AOPEP: variants seen among roughly 807,000 people sequenced by gnomAD.
AOPEP encodes aminopeptidase O.
Under a neutral mutation model 98.1 loss-of-function variants are expected in AOPEP, and 77 were observed. That is an observed-to-expected ratio of 0.78 (90% CI 0.65 to 0.95). AOPEP has a LOEUF of 0.95. Among genes scored for constraint, AOPEP ranks in the 40% least tolerant of loss-of-function variants. The pLI, the probability that AOPEP is intolerant of heterozygous loss-of-function variation, is 0.00. For synonymous variants in AOPEP, 346 were observed against 365.3 expected (o/e 0.95, Z 0.60); for missense variants, 1,024 against 1,024.7 (o/e 1.00, Z 0.01).
intron 5 of AOPEP, among the ~76,000 whole-genome samples, chr9:94,896,447 G>A (rs1378281191): frequency 6.6e-6 from 1 of 152,206 alleles, no homozygotes; most frequent in Non-Finnish European, 1.5e-5. Context: ...AAAGGTCACA[G>A]TAGGGAAAGT....
the AOPEP span, chr9:95,114,699 C>G: frequency 6.2e-7 from 1 of 1,614,046 alleles, no homozygotes. Context: ...AGCCAGTGTC[C>G]CCGAGGGATA....
chr9:94,871,299 GTCTTTTATT>G (rs1564294660), intron 5 of AOPEP, among the ~76,000 whole-genome samples: 1 of 152,162 alleles, frequency 6.6e-6, no homozygotes, highest in Admixed American at 6.5e-5. Flanking sequence ...TTTTAAACAT[GTCTTTTATT>G]TATCATCTAC....
chr9:94,909,081 G>C (rs148976907), intron 5 of AOPEP, among the ~76,000 whole-genome samples: 53 of 152,246 alleles, frequency 3.5e-4, no homozygotes, highest in Middle Eastern at 3.4e-3. Flanking sequence ...GGTTTTGCCT[G>C]GTTTGAGGCT....
chr9:95,001,296 C>T (rs529930221), intron 11 of AOPEP, among the ~76,000 whole-genome samples: 28 of 152,310 alleles, frequency 1.8e-4, no homozygotes, highest in African/African-American at 5.8e-4. Context: ...CAGCCTCGGA[C>T]GTTGTCTTCA....
At chr9:95,051,121 G>A (rs1402998712) in intron 13 of AOPEP, among the ~76,000 whole-genome samples, 9 of 129,802 alleles carry the variant, frequency 6.9e-5, no homozygotes, top group African/African-American at 2.3e-4. Context: ...ACGGAGTCTC[G>A]CTCTGTCGCC....
chr9:95,044,944 C>T (rs1314116166), intron 13 of AOPEP, among the ~76,000 whole-genome samples: 1 of 152,200 alleles, frequency 6.6e-6, no homozygotes, highest in African/African-American at 2.4e-5. Context: ...CCTCTCGGCA[C>T]ACATCTCAGG....
intron 3 of AOPEP, among the ~76,000 whole-genome samples, chr9:94,780,866 G>A (rs1205593414): frequency 6.6e-6 from 1 of 152,108 alleles, no homozygotes; most frequent in Non-Finnish European, 1.5e-5. Context: ...CACATTTCCC[G>A]GGCACCAGCT....
At chr9:94,950,958 C>T (rs1403140077) in intron 7 of AOPEP, among the ~76,000 whole-genome samples, 1 of 152,226 alleles carries the variant, frequency 6.6e-6, no homozygotes, top group African/African-American at 2.4e-5. Context: ...GAAATCAAAT[C>T]ATTATGTATC....
intron 5 of AOPEP, among the ~76,000 whole-genome samples, chr9:94,872,869 G>A (rs1564297506): frequency 6.6e-6 from 1 of 152,170 alleles, no homozygotes; most frequent in Non-Finnish European, 1.5e-5. Flanking sequence ...GGAAGTCGGG[G>A]CAGTCACGGG....
At chr9:95,079,654 T>C (rs1457088538) in intron 14 of AOPEP, among the ~76,000 whole-genome samples, 1 of 152,242 alleles carries the variant, frequency 6.6e-6, no homozygotes. Context: ...GCGCAGGTGG[T>C]TCTGCCTGTG....
chr9:94,756,392 C>T lies in AOPEP; in HGVS notation c.-135-3257C>T, dbSNP rs989293304. Reference sequence around the variant, plus strand: ...CAGCCTGGGCAACATGGCAAGACCTCGTCTCTACAAAAATTTAAAAAGTTA... The same window carrying T: ...CAGCCTGGGCAACATGGCAAGACCTTGTCTCTACAAAAATTTAAAAAGTTA... On this transcript the variant is annotated intron_variant, in intron 1 of 16. Coordinates refer to ENST00000375315, the MANE Select transcript of AOPEP (RefSeq NM_001193329.3). Among the ~76,000 whole-genome samples the T allele has an allele frequency of 8.6e-5, 13 of 151,522 alleles. 1 individual carries two copies. The Middle Eastern group carries it at 0.024, about 281-fold the overall frequency.
the AOPEP span, among the ~76,000 whole-genome samples, chr9:95,141,985 GTTT>G: frequency 7.5e-4 from 62 of 83,154 alleles, no homozygotes; most frequent in Non-Finnish European, 9.8e-4. Flanking sequence ...AGTTTGTGGG[GTTT>G]TTTTTTTTTT....
At chr9:94,996,420 G>A (rs2061249883) in intron 11 of AOPEP, among the ~76,000 whole-genome samples, 1 of 149,936 alleles carries the variant, frequency 6.7e-6, no homozygotes, top group Admixed American at 6.7e-5. Flanking sequence ...CTTCATCAAG[G>A]GATGGATGAA....
chr9:94,981,308 C>T (rs1369519911), intron 11 of AOPEP, among the ~76,000 whole-genome samples: 1 of 152,146 alleles, frequency 6.6e-6, no homozygotes, highest in African/African-American at 2.4e-5. Flanking sequence ...GGTCTAGTTG[C>T]ATTAGTGACA....
At chr9:94,744,190 A>G (rs1293863576) in intron 1 of AOPEP, among the ~76,000 whole-genome samples, 1 of 151,300 alleles carries the variant, frequency 6.6e-6, no homozygotes, top group African/African-American at 2.4e-5. Context: ...CAGGAGATTG[A>G]GACCATCCTG....
chr9:94,903,600 G>A (rs1275352155), intron 5 of AOPEP, among the ~76,000 whole-genome samples: 1 of 146,516 alleles, frequency 6.8e-6, no homozygotes, highest in Non-Finnish European at 1.5e-5. Context: ...ACCAGCCTGG[G>A]CAATGTAGCA....
At chr9:95,063,157 C>T (rs1021392305) in intron 14 of AOPEP, among the ~76,000 whole-genome samples, 7 of 152,188 alleles carry the variant, frequency 4.6e-5, no homozygotes, top group Non-Finnish European at 1.5e-5. Flanking sequence ...ACAGAAGCAC[C>T]TTGTCTTTCT....
intron 5 of AOPEP, among the ~76,000 whole-genome samples, chr9:94,878,305 G>C (rs2047199459): frequency 6.7e-6 from 1 of 149,982 alleles, no homozygotes; most frequent in South Asian, 2.2e-4. Flanking sequence ...TTACCTTAAA[G>C]TCTCCAACAG....
chr9:95,056,209 C>CT (rs1355977856), intron 13 of AOPEP: 1 of 152,232 alleles, frequency 6.6e-6, no homozygotes, highest in Non-Finnish European at 1.5e-5. Flanking sequence ...ACTCATGCCA[C>CT]TGTCAATCCG....
Sources: allele counts gnomAD v4.1 joint callset (sites outside exome capture counted in the v4.1 genomes callset), GRCh38; gene constraint gnomAD v4.1.1; transcripts MANE v1.5; gene names NCBI Gene and HGNC (gene_info 2026-07-23, HGNC 2026-07-21).